TBC1D22A: variants seen among roughly 807,000 people sequenced by gnomAD.
TBC1D22A encodes putative GTPase activator.
Under a neutral mutation model 60.2 loss-of-function variants are expected in TBC1D22A, and 38 were observed. That is an observed-to-expected ratio of 0.63 (90% confidence interval 0.49 to 0.83). The LOEUF is 0.83. TBC1D22A is among the 40% of genes least tolerant of loss of function. The probability of loss-of-function intolerance (pLI) is 0.00; values close to 1 mark genes in which losing one functional copy is unlikely to be tolerated. For missense variants in TBC1D22A, 628 were observed against 701.0 expected, an observed-to-expected ratio of 0.90 and a Z score of 1.18; for synonymous variants, 302 against 281.7, an observed-to-expected ratio of 1.07 and a Z score of -0.72.
chr22:46,800,641 G>T (rs2084857837), intron 4 of TBC1D22A, among the ~76,000 whole-genome samples: 1 of 152,168 alleles, frequency 6.6e-6, no homozygotes, highest in African/African-American at 2.4e-5. Flanking sequence ...GATGAAAGCG[G>T]TGCTCATTTT....
chr22:47,080,761 C>G (rs2064428803), intron 11 of TBC1D22A, among the ~76,000 whole-genome samples: 1 of 151,802 alleles, frequency 6.6e-6, no homozygotes, highest in African/African-American at 2.4e-5. Flanking sequence ...ATGAAAAGAA[C>G]AGAAATCAGT....
chr22:47,120,110 C>T (rs938924739), intron 12 of TBC1D22A, among the ~76,000 whole-genome samples: 3 of 152,208 alleles, frequency 2.0e-5, no homozygotes, highest in African/African-American at 7.2e-5. Context: ...ACACCTGTAA[C>T]TCTGTCCGGC....
chr22:46,899,687 C>G (rs1462290932), intron 7 of TBC1D22A, among the ~76,000 whole-genome samples: 1 of 152,158 alleles, frequency 6.6e-6, no homozygotes, highest in Non-Finnish European at 1.5e-5. Flanking sequence ...GCCTAGCACT[C>G]TTTATCACAT....
chr22:46,939,331 G>A (rs56205905), intron 8 of TBC1D22A, among the ~76,000 whole-genome samples: 12,770 of 152,156 alleles, frequency 0.084, 995 homozygotes, highest in African/African-American at 0.2. Flanking sequence ...TTAAAATCAA[G>A]CATCAACGAG....
chr22:46,959,460 G>C (rs1313103708), intron 8 of TBC1D22A, among the ~76,000 whole-genome samples: 1 of 152,206 alleles, frequency 6.6e-6, no homozygotes, highest in Non-Finnish European at 1.5e-5. Context: ...GCCTCCCTAT[G>C]AGCCTTGGCC....
chr22:47,040,146 C>T (rs1479307026), intron 11 of TBC1D22A, among the ~76,000 whole-genome samples: 2 of 151,816 alleles, frequency 1.3e-5, no homozygotes, highest in African/African-American at 4.8e-5. Flanking sequence ...GAGGTTTCAC[C>T]GTGTTAGCCA....
intron 11 of TBC1D22A, among the ~76,000 whole-genome samples, chr22:47,085,152 G>A (rs1395377504): frequency 1.3e-5 from 2 of 152,154 alleles, no homozygotes; most frequent in African/African-American, 4.8e-5. Flanking sequence ...ATGGTGGCGT[G>A]TGCCTGTAAT....
At chr22:46,999,822 G>A (rs2075250493) in intron 10 of TBC1D22A, among the ~76,000 whole-genome samples, 1 of 152,024 alleles carries the variant, frequency 6.6e-6, no homozygotes, top group Admixed American at 6.6e-5. Context: ...TCAGGAGATC[G>A]AGACCATCCT....
At chr22:46,885,380 C>G (rs888103363) in intron 5 of TBC1D22A, among the ~76,000 whole-genome samples, 1 of 152,164 alleles carries the variant, frequency 6.6e-6, no homozygotes, top group Non-Finnish European at 1.5e-5. Flanking sequence ...CTGAGCCTGT[C>G]TCCTCGTCTG....
intron 8 of TBC1D22A, among the ~76,000 whole-genome samples, chr22:46,962,079 T>C (rs1163231216): frequency 6.6e-6 from 1 of 152,184 alleles, no homozygotes. Flanking sequence ...GGCCCTCTGG[T>C]CCTGGGGGGA....
Position 47,039,182 on chromosome 22 carries a change from G to A in TBC1D22A, c.1329+1984G>A, listed in dbSNP as rs1341590422. Among the ~76,000 whole-genome samples, 11 of 152,166 alleles carry A rather than the reference G, an allele frequency of 7.2e-5. No individual in the cohort carries two copies. The East Asian group carries it at 1.5e-3, about 21-fold the overall frequency. On this transcript the variant is annotated intron_variant, in intron 11 of 12. Coordinates refer to ENST00000337137, the MANE Select transcript of TBC1D22A (RefSeq NM_014346.5). The stretch of plus-strand genomic sequence containing the variant: ...TATTAAAACTTTAAGCACAATTGTG[G>A]CATCTTTATTGAGTTAATTTTCTTG...
At chr22:46,848,508 G>A (rs1367731981) in intron 4 of TBC1D22A, among the ~76,000 whole-genome samples, 1 of 152,192 alleles carries the variant, frequency 6.6e-6, no homozygotes, top group Non-Finnish European at 1.5e-5. Context: ...TCTCTAAGCC[G>A]AGGGAGAGAC....
intron 4 of TBC1D22A, among the ~76,000 whole-genome samples, chr22:46,819,654 G>T (rs1340131349): frequency 6.6e-6 from 1 of 152,200 alleles, no homozygotes. Context: ...TTTTATTGAG[G>T]ATTTTCGCAT....
intron 8 of TBC1D22A, among the ~76,000 whole-genome samples, chr22:46,937,581 C>A (rs914629651): frequency 6.7e-6 from 1 of 149,976 alleles, no homozygotes; most frequent in Non-Finnish European, 1.5e-5. Flanking sequence ...TGTAATACTT[C>A]TAAAAAAAAA....
chr22:47,062,351 A>C (rs1194527508), intron 11 of TBC1D22A, among the ~76,000 whole-genome samples: 1 of 152,078 alleles, frequency 6.6e-6, no homozygotes, highest in Non-Finnish European at 1.5e-5. Context: ...TCTGAGGTCC[A>C]TTCTCTGTGG....
chr22:47,168,434 G>A (rs987514473), intron 12 of TBC1D22A, among the ~76,000 whole-genome samples: 3 of 152,158 alleles, frequency 2.0e-5, no homozygotes, highest in Non-Finnish European at 2.9e-5. Flanking sequence ...TGTGGGCTCG[G>A]TTTTGGGGAT....
Position 46,762,763 on chromosome 22 carries a change from G to C in TBC1D22A, c.-24G>C. 1.4e-6 allele frequency: 2 copies of C among 1,421,650 alleles called. No individual in the cohort carries two copies. Among genetic ancestry groups the C allele is most frequent in the East Asian group, 6.1e-5 (2 of 32,604 alleles). The allele number at this position is 1,421,650 out of a possible 1,614,324, so 88.1% of individuals were successfully genotyped here. A position where few individuals can be genotyped will look rare whatever the true frequency, so the allele number is the denominator to read the frequency against. On this transcript the variant is annotated 5_prime_UTR_variant, in exon 1 of 13. Transcript: ENST00000337137. ...GGTGCACTCGGGGTGTCTGGGCCGC[G>C]GGTCTGAGGGATGAGGAGGGGCCAT...
intron 12 of TBC1D22A, among the ~76,000 whole-genome samples, chr22:47,122,160 A>G (rs2066294694): frequency 6.6e-6 from 1 of 152,108 alleles, no homozygotes; most frequent in African/African-American, 2.4e-5. Context: ...GGAGCTGGGG[A>G]TGAGAGTGTG....
At chr22:46,961,395 T>A (rs1388216269) in intron 8 of TBC1D22A, among the ~76,000 whole-genome samples, 3 of 152,222 alleles carry the variant, frequency 2.0e-5, no homozygotes, top group African/African-American at 7.2e-5. Flanking sequence ...CACCAGCACC[T>A]TAGCTCATAG....
Sources: allele counts gnomAD v4.1 joint callset (sites outside exome capture counted in the v4.1 genomes callset), GRCh38; gene constraint gnomAD v4.1.1; transcripts MANE v1.5; gene names NCBI Gene and HGNC (gene_info 2026-07-23, HGNC 2026-07-21).